OR51B5: variants seen among roughly 807,000 people sequenced by gnomAD.
The protein encoded by OR51B5 is olfactory receptor 51B5.
For missense variants in OR51B5, 456 were observed against 374.6 expected (o/e 1.22, Z -1.79); for synonymous variants, 186 against 144.8 (o/e 1.28, Z -2.04).
At position 5,479,893 on chromosome 11, in the gene OR51B5, A is replaced by C. The variant is rs1327431038; in HGVS notation, n.84+25676T>G. ...CTGAGTGACCTACAAAGAGACTTAG[A>C]CTCCCACACATTAATAATGGGAGAC... is the stretch of plus-strand genomic sequence containing the variant. On this transcript the variant is annotated intron_variant and non_coding_transcript_variant, in intron 1 of 4. Coordinates refer to the OR51B5 transcript ENST00000415970. 5.7e-5 allele frequency among the ~76,000 whole-genome samples: 8 copies of C among 139,558 alleles called. No individual in the cohort carries two copies. The East Asian group carries it at 1.7e-3, about 29-fold the overall frequency. The allele number at this position is 139,558 out of a possible 152,430, so 91.6% of individuals were successfully genotyped here.
rs1028205653 is a variant in OR51B5 at position 5,451,411 on chromosome 11, T to A, written n.84+54158A>T. On this transcript the variant is annotated intron_variant and non_coding_transcript_variant, in intron 1 of 4. Coordinates refer to the OR51B5 transcript ENST00000415970. ...TTTCTACAAGACTTTATATGAAGAA[T>A]GAGAGTGTAGTCAAATGGGAGAAAT... Among the ~76,000 whole-genome samples, 5 of 152,348 alleles carry A rather than the reference T, an allele frequency of 3.3e-5. No individual in the cohort carries two copies. In the East Asian group the frequency reaches 5.8e-4, roughly 18 times the overall value.
intron 1 of OR51B5, among the ~76,000 whole-genome samples, chr11:5,448,016 A>C (rs529815623): frequency 1.1e-4 from 17 of 151,990 alleles, no homozygotes; most frequent in Non-Finnish European, 1.8e-4. Context: ...GCTTTGCAGC[A>C]CTCCTGTTTC....
intron 1 of OR51B5, among the ~76,000 whole-genome samples, chr11:5,429,995 T>G (rs1248914084): frequency 1.3e-5 from 2 of 152,198 alleles, no homozygotes; most frequent in African/African-American, 4.8e-5. Flanking sequence ...GTGAGACCAC[T>G]GGACAGCAAG....
chr11:5,359,572 G>C (rs1212928693), intron 1 of OR51B5, among the ~76,000 whole-genome samples: 3 of 143,458 alleles, frequency 2.1e-5, no homozygotes, highest in Non-Finnish European at 4.6e-5. Flanking sequence ...TACAGCCCAA[G>C]GTAATTTATA....
At chr11:5,362,762 AT>A (rs1849304610) in intron 1 of OR51B5, 1 of 93,834 alleles carries the variant, frequency 1.1e-5, no homozygotes, top group Non-Finnish European at 2.3e-5. Context: ...CACTTGTGAT[AT>A]CTATAAAGAG....
chr11:5,475,389 G>C (rs1264348206), intron 1 of OR51B5, among the ~76,000 whole-genome samples: 1 of 152,084 alleles, frequency 6.6e-6, no homozygotes, highest in Admixed American at 6.6e-5. Flanking sequence ...GAAGATGCAA[G>C]GATCACTCCA....
chr11:5,372,873 G>C (rs1849466562), intron 1 of OR51B5, among the ~76,000 whole-genome samples: 1 of 152,122 alleles, frequency 6.6e-6, no homozygotes. Context: ...AAACAATCTT[G>C]AGAAAGAAAA....
intron 1 of OR51B5, among the ~76,000 whole-genome samples, chr11:5,452,375 G>T (rs562407206): frequency 1.3e-5 from 2 of 151,746 alleles, no homozygotes; most frequent in Admixed American, 1.3e-4. Flanking sequence ...GCATGGTGGC[G>T]GGAGCCTGTA....
chr11:5,488,697 G>T (rs1851531530), intron 1 of OR51B5: 1 of 1,587,212 alleles, frequency 6.3e-7, no homozygotes, highest in Non-Finnish European at 8.6e-7. Context: ...CCCTTCATTT[G>T]CCAGGAAGAA....
Position 5,443,292 on chromosome 11 carries a change from G to A in OR51B5, n.84+62277C>T, listed in dbSNP as rs184558480. Among the ~76,000 whole-genome samples, 10 of 152,110 alleles carry A rather than the reference G, an allele frequency of 6.6e-5. No homozygotes were observed. In the East Asian group the frequency reaches 9.7e-4, roughly 15 times the overall value. On this transcript the variant is annotated intron_variant and non_coding_transcript_variant, in intron 1 of 4. Transcript: ENST00000415970. Reference sequence around the variant, plus strand: ...TGGTGACAAGGTGCTGGATCATATCGAGATATCAGTCATAATCCCAAATAT... The same window carrying A: ...TGGTGACAAGGTGCTGGATCATATCAAGATATCAGTCATAATCCCAAATAT...
At chr11:5,395,968 T>C (rs767870663) in intron 1 of OR51B5, among the ~76,000 whole-genome samples, 1 of 152,240 alleles carries the variant, frequency 6.6e-6, no homozygotes, top group African/African-American at 2.4e-5. Context: ...AAATTGCATA[T>C]GAATGGCTCT....
intron 1 of OR51B5, among the ~76,000 whole-genome samples, chr11:5,357,431 C>G (rs11036979): frequency 0.19 from 28,452 of 150,842 alleles, 2,941 homozygotes; most frequent in East Asian, 0.37. Context: ...GCTAACTATC[C>G]TAAACATATA....
intron 1 of OR51B5, among the ~76,000 whole-genome samples, chr11:5,436,639 G>A (rs1039644347): frequency 5.9e-5 from 9 of 152,190 alleles, no homozygotes; most frequent in African/African-American, 2.2e-4. Flanking sequence ...TCTTTCTATA[G>A]AAAACCTATG....
At chr11:5,418,400 TATA>T (rs1042311452) in intron 1 of OR51B5, among the ~76,000 whole-genome samples, 27 of 145,532 alleles carry the variant, frequency 1.9e-4, no homozygotes, top group Admixed American at 4.9e-4. Context: ...AAACTTAAAG[TATA>T]ATAATAATAA....
In OR51B5 at chr11:5,473,142, A is replaced by C. The variant is rs141498666; in HGVS notation, n.84+32427T>G. On this transcript the variant is annotated intron_variant and non_coding_transcript_variant, in intron 1 of 4. Coordinates refer to the OR51B5 transcript ENST00000415970. ...CACAAATTCCTACACATCTTGGCATATTTGAAACAGTATCACATTGTAAAC... is the reference window on the plus strand; with the variant it reads ...CACAAATTCCTACACATCTTGGCATCTTTGAAACAGTATCACATTGTAAAC... Among the ~76,000 whole-genome samples the C allele has an allele frequency of 1.6e-3, 238 of 152,348 alleles. 3 individuals carry two copies. The East Asian group carries it at 0.04, about 26-fold the overall frequency.
Position 5,404,104 on chromosome 11 carries a change from C to T in OR51B5, n.85-57194G>A, listed in dbSNP as rs1476638126. 1.3e-4 allele frequency among the ~76,000 whole-genome samples: 19 copies of T among 140,926 alleles called. No individual in the cohort carries two copies. In the Admixed American group the frequency reaches 1.5e-3, roughly 11 times the overall value. 92.5% of individuals were successfully genotyped at this position (140,926 alleles called of 152,430 possible). A position where few individuals can be genotyped will look rare whatever the true frequency, so the allele number is the denominator to read the frequency against. On this transcript the variant is annotated intron_variant and non_coding_transcript_variant, in intron 1 of 4. Coordinates refer to the OR51B5 transcript ENST00000415970. ...ATTATGCAAAATTCTGGGATTCTCC[C>T]ATCCAGGTTGTGAGAGGTGAAGCCA...
intron 1 of OR51B5, among the ~76,000 whole-genome samples, chr11:5,358,827 G>A (rs1045346995): frequency 6.6e-6 from 1 of 152,146 alleles, no homozygotes; most frequent in African/African-American, 2.4e-5. Flanking sequence ...TGGGATGCAA[G>A]GCTGGTTCAA....
At chr11:5,372,680 G>T (rs1052673427) in intron 1 of OR51B5, among the ~76,000 whole-genome samples, 1 of 152,140 alleles carries the variant, frequency 6.6e-6, no homozygotes, top group Admixed American at 6.5e-5. Flanking sequence ...TCAGATATAT[G>T]ATCTGTAAAT....
intron 1 of OR51B5, among the ~76,000 whole-genome samples, chr11:5,434,810 C>A (rs930863123): frequency 6.6e-6 from 1 of 152,138 alleles, no homozygotes; most frequent in Non-Finnish European, 1.5e-5. Context: ...GCCTGAAACC[C>A]GTAAGTGGCT....
Sources: allele counts gnomAD v4.1 joint callset (sites outside exome capture counted in the v4.1 genomes callset), GRCh38; gene constraint gnomAD v4.1.1; transcripts MANE v1.5; gene names NCBI Gene and HGNC (gene_info 2026-07-23, HGNC 2026-07-21).